The following SPNS1 variants were observed in gnomAD, a reference collection of about 807,000 sequenced individuals.
The protein encoded by SPNS1 is SPNS lysolipid transporter 1, lysophospholipid.
A neutral mutation model predicts 50.3 loss-of-function variants in SPNS1; 22 were observed. The observed-to-expected ratio is 0.44, with a 90% CI of 0.31 to 0.62. The LOEUF is 0.62. Among genes scored for constraint, SPNS1 ranks in the 20% least tolerant of loss-of-function variants. The pLI, the probability that SPNS1 is intolerant of heterozygous loss-of-function variation, is 0.07. For synonymous variants in SPNS1, 295 were observed against 317.4 expected, an observed-to-expected ratio of 0.93 and a Z score of 0.75; for missense variants, 576 against 728.6, an observed-to-expected ratio of 0.79 and a Z score of 2.41.
rs542499001 is a variant in SPNS1, at chr16:28,981,559, T to C, written c.753T>C (p.Asp251=). Residue 251 remains aspartate (D), a synonymous_variant, in exon 6 of 12, where the codon GAT becomes GAC. Coordinates refer to ENST00000311008, the MANE Select transcript of SPNS1 (RefSeq NM_032038.3). The surrounding 1 kb of genome is among the most constrained non-coding windows in gnomAD (Gnocchi z 4.2). The part of the protein sequence containing the change: ...PPRGAVERHS[D]LPPLNPTSWW... ...GGGGAGCCGTGGAGCGCCACTCAGA[T>C]TTGCCACCCCTGAACCCCACCTCGT... The C allele has an allele frequency of 2.5e-6, 4 of 1,614,064 alleles. No individual in the cohort carries two copies. In the Admixed American group the frequency reaches 6.7e-5, roughly 27 times the overall value.
Position 28,984,346 on chromosome 16 carries a change from G to C in SPNS1, c.*47G>C, listed in dbSNP as rs751838570. The stretch of plus-strand genomic sequence containing the variant: ...GCACATCTGCCACAGCTGGCCCTGG[G>C]CCCACCCCACGAAGGGCCTGGGCCT... On this transcript the variant is annotated 3_prime_UTR_variant, in exon 12 of 12. Coordinates refer to ENST00000311008, the MANE Select transcript of SPNS1 (RefSeq NM_032038.3). 8.2e-6 allele frequency: 13 copies of C among 1,580,838 alleles called. No homozygotes were observed. The Admixed American group carries it at 2.2e-4, about 27-fold the overall frequency.
chr16:28,982,634 G>C (rs1408116602), intron 8 of SPNS1, 89 bp downstream of exon 8: 4 of 1,433,166 alleles, frequency 2.8e-6, no homozygotes, highest in Non-Finnish European at 3.8e-6. Flanking sequence ...GGAATGCCTG[G>C]TTTTGAATCA....
chr16:28,982,192 G>C (rs1355827002), intron 7 of SPNS1, 136 bp downstream of exon 7: 3 of 1,380,074 alleles, frequency 2.2e-6, no homozygotes, highest in African/African-American at 1.4e-5. Flanking sequence ...TCCGTTTCCT[G>C]GTCTGGGAAA....
chr16:28,980,976 G>T (rs1402498809), intron 5 of SPNS1, among the ~76,000 whole-genome samples: 1 of 152,196 alleles, frequency 6.6e-6, no homozygotes, highest in Non-Finnish European at 1.5e-5. Context: ...CTCCCACACT[G>T]CCCTTCTCTT....
chr16:28,975,084 G>C lies in SPNS1; in HGVS notation c.-68G>C. On this transcript the variant is annotated 5_prime_UTR_variant, in exon 1 of 12. Transcript: ENST00000311008. ...TGTTCGGTCCATCCTCCTTTCTCCA[G>C]CCTCCTCCCCTCGCAGGTGGGATCG... The C allele has an allele frequency of 2.8e-6, 4 of 1,439,976 alleles. No homozygotes were observed. The highest frequency in any genetic ancestry group is 3.6e-6 in the Non-Finnish European group (4 of 1,101,456). The allele number at this position is 1,439,976 out of a possible 1,614,324, so 89.2% of individuals were successfully genotyped here.
intron 9 of SPNS1, 30 bp downstream of exon 9, chr16:28,982,952 G>C: frequency 6.2e-7 from 1 of 1,612,306 alleles, no homozygotes; most frequent in South Asian, 1.1e-5. Flanking sequence ...CAGGGTCAGC[G>C]CAGAGGCTGA....
In SPNS1 at chr16:28,974,822, C is replaced by T. The variant is rs898161903; in HGVS notation, c.-330C>T. The T allele has an allele frequency of 7.2e-6, 11 of 1,535,628 alleles. No individual in the cohort carries two copies. The African/African-American group carries it at 1.4e-4, about 19-fold the overall frequency. On this transcript the variant is annotated 5_prime_UTR_variant, in exon 1 of 12. Coordinates refer to ENST00000311008, the MANE Select transcript of SPNS1 (RefSeq NM_032038.3). ...ACATGGCGGCTGCCGTGGTGCAGCG[C>T]CCGGGCTGAGCGACAGCAAGTGCAG...
At chr16:28,984,724 G>A (rs527351075), downstream of SPNS1, 109 of 784,904 alleles carry the variant, frequency 1.4e-4, no homozygotes, top group African/African-American at 1.6e-3. Flanking sequence ...GAGTGTGACC[G>A]TGAGTCACGC....
intron 2 of SPNS1, among the ~76,000 whole-genome samples, chr16:28,976,474 A>G (rs1259122314): frequency 1.3e-5 from 2 of 152,180 alleles, no homozygotes; most frequent in Non-Finnish European, 2.9e-5. Context: ...TTACACCTGT[A>G]GGACTTTGCG....
At chr16:28,982,745 C>G (rs1163545700) in intron 8 of SPNS1, 112 bp from the exon 9 acceptor site, 1 of 1,320,988 alleles carries the variant, frequency 7.6e-7, no homozygotes, top group Non-Finnish European at 1.1e-6. Flanking sequence ...TAGCACCTGT[C>G]TCACTGGGGT....
chr16:28,983,830 C>A lies in SPNS1; in HGVS notation c.1365C>A (p.Ser455=). ...GGAACTGGCCCCCCTCCTTCTTGTC[C>A]GAGTTCCGGGCTCTGCAGTTCTCGC... is the stretch of plus-strand genomic sequence containing the variant. The part of the protein sequence containing the change: ...LRRNWPPSFL[S]EFRALQFSLM... The change falls in exon 11 of 12, where the codon TCC becomes TCA. Residue 455 remains serine (S), a synonymous_variant. Coordinates refer to ENST00000311008, the MANE Select transcript of SPNS1 (RefSeq NM_032038.3). The surrounding 1 kb of genome is among the most constrained non-coding windows in gnomAD (Gnocchi z 5.4). 6.2e-7 allele frequency: 1 copy of A among 1,604,124 alleles called. No individual in the cohort carries two copies.
rs1965566883 is a variant in SPNS1 at position 28,981,893 on chromosome 16, A to G, written c.810-8A>G. ...GGGTCTTACTCTCTCCCTCCCAACT[A>G]TCTGCAGTCCTAGTTTCGTCCTGTC... On this transcript the variant is annotated splice_polypyrimidine_tract_variant and splice_region_variant and intron_variant, in intron 6 of 11. Coordinates refer to ENST00000311008, the MANE Select transcript of SPNS1 (RefSeq NM_032038.3). This position sits in a 1 kb window ranked among gnomAD's most constrained non-coding sequence, Gnocchi z 4.2. 1.9e-6 allele frequency: 3 copies of G among 1,613,876 alleles called. 1 individual carries two copies. In the South Asian group the frequency reaches 3.3e-5, roughly 18 times the overall value.
At chr16:28,978,125 G>A (rs1442218409) in intron 3 of SPNS1, 81 bp downstream of exon 3, 5 of 1,549,886 alleles carry the variant, frequency 3.2e-6, no homozygotes, top group Non-Finnish European at 4.4e-6. Flanking sequence ...AGCTATGGCA[G>A]ACTGGGCCTC....
chr16:28,979,618 A>T (rs1178048575), intron 5 of SPNS1, 147 bp downstream of exon 5: 6 of 805,364 alleles, frequency 7.5e-6, no homozygotes, highest in African/African-American at 6.8e-5. Flanking sequence ...TGGTGCAGTC[A>T]TAGCTCACTG....
At chr16:28,978,117 CT>C in intron 3 of SPNS1, 73 bp downstream of exon 3, 1 of 1,558,486 alleles carries the variant, frequency 6.4e-7, no homozygotes, top group Non-Finnish European at 8.7e-7. Context: ...CTCCTTGGAG[CT>C]ATGGCAGACT....
At chr16:28,984,052 C>T in intron 11 of SPNS1, 95 bp downstream of exon 11, 1 of 1,465,984 alleles carries the variant, frequency 6.8e-7, no homozygotes, top group Non-Finnish European at 9.1e-7. Flanking sequence ...GCTCAGTCCA[C>T]AGCCCTCCCC....
chr16:28,975,380 T>C lies in SPNS1; in HGVS notation c.229T>C (p.Phe77Leu), dbSNP rs777232911. The change falls in exon 1 of 12, where the codon TTC becomes CTC. Residue 77 changes from phenylalanine (F) to leucine (L), a missense_variant. By Grantham distance (22) the Phe-to-Leu change is conservative. This residue lies in a region of SPNS1 where 144 missense variants were observed against 181.2 expected (regional missense o/e 0.79). Coordinates refer to ENST00000311008, the MANE Select transcript of SPNS1 (RefSeq NM_032038.3). ...YINLLNYMDRFTVAGVLPDIE... is the reference protein window; with the variant it reads ...YINLLNYMDRLTVAGVLPDIE... Reference sequence around the variant, plus strand: ...CAATCTCCTGAACTACATGGACCGCTTCACCGTGGCTGGTAGGGACTCACT... The same window carrying C: ...CAATCTCCTGAACTACATGGACCGCCTCACCGTGGCTGGTAGGGACTCACT... 1.2e-6 allele frequency: 2 copies of C among 1,610,804 alleles called. No individual in the cohort carries two copies. The highest frequency in any genetic ancestry group is 1.7e-6 in the Non-Finnish European group (2 of 1,177,732).
At position 28,983,854 on chromosome 16, in the gene SPNS1, G is replaced by A. The variant is rs770664577; in HGVS notation, c.1389G>A (p.Ser463=). 3.5e-5 allele frequency: 56 copies of A among 1,604,364 alleles called. No homozygotes were observed. Among genetic ancestry groups the A allele is most frequent in the Non-Finnish European group, 4.3e-5 (51 of 1,179,370 alleles). ...CCGAGTTCCGGGCTCTGCAGTTCTCGCTCATGCTCTGCGCGTTTGTTGGGG... is the reference window on the plus strand; with the variant it reads ...CCGAGTTCCGGGCTCTGCAGTTCTCACTCATGCTCTGCGCGTTTGTTGGGG... The part of the protein sequence containing the change: ...FLSEFRALQF[S]LMLCAFVGAL... The change falls in exon 11 of 12, where the codon TCG becomes TCA. Residue 463 remains serine (S), a synonymous_variant. Coordinates refer to ENST00000311008, the MANE Select transcript of SPNS1 (RefSeq NM_032038.3). This position sits in a 1 kb window ranked among gnomAD's most constrained non-coding sequence, Gnocchi z 5.4.
chr16:28,981,498 T>G lies in SPNS1; in HGVS notation c.692T>G (p.Val231Gly). 1 of 1,614,086 alleles carries G rather than the reference T, an allele frequency of 6.2e-7. No homozygotes were observed. The highest frequency in any genetic ancestry group is 8.5e-7 in the Non-Finnish European group (1 of 1,180,004). The change falls in exon 6 of 12, where the codon GTT (valine) becomes GGT (glycine). Residue 231 changes from valine (V) to glycine (G), a missense_variant. Around this residue, in one of 3 missense-constraint regions of SPNS1, gnomAD observed 428 missense variants for 520.1 expected, o/e 0.82. Transcript: ENST00000311008. This position sits in a 1 kb window ranked among gnomAD's most constrained non-coding sequence, Gnocchi z 4.2. Reference sequence around the variant, plus strand: ...ACACCGGGTCTAGGAGTGGTGGCCGTTCTGCTGCTGTTCCTGGTAGTGCGG... The same window carrying G: ...ACACCGGGTCTAGGAGTGGTGGCCGGTCTGCTGCTGTTCCTGGTAGTGCGG... ...RVTPGLGVVA[V>G]LLLFLVVREP... is the part of the protein sequence containing the mutation.
Sources: allele counts gnomAD v4.1 joint callset (sites outside exome capture counted in the v4.1 genomes callset), GRCh38; gene constraint gnomAD v4.1.1; regional missense constraint gnomAD v4.1.1; non-coding constraint Gnocchi (gnomAD v3.1); transcripts MANE v1.5; gene names NCBI Gene and HGNC (gene_info 2026-07-23, HGNC 2026-07-21).